The following STK32B variants were observed in gnomAD, a reference collection of about 807,000 sequenced individuals.
The protein encoded by STK32B is serine/threonine-protein kinase 32B.
A neutral mutation model predicts 52.6 loss-of-function variants in STK32B; 43 were observed. The ratio of observed to expected loss-of-function variants is 0.82; its 90% CI spans 0.64 to 1.05. The LOEUF (loss-of-function observed/expected upper bound fraction) is 1.05. STK32B is among the 50% of genes least tolerant of loss of function. The pLI is 0.00. For missense variants in STK32B, 621 were observed against 534.6 expected, an observed-to-expected ratio of 1.16 and a Z score of -1.59; for synonymous variants, 238 against 204.3, an observed-to-expected ratio of 1.17 and a Z score of -1.41.
chr4:5,484,810 C>T (rs976362316), intron 11 of STK32B, among the ~76,000 whole-genome samples: 3 of 152,130 alleles, frequency 2.0e-5, no homozygotes, highest in African/African-American at 4.8e-5. Context: ...TCAGCATTTG[C>T]TTGTCTGTAA....
At chr4:5,410,307 T>C (rs573054847) in intron 5 of STK32B, among the ~76,000 whole-genome samples, 1 of 151,908 alleles carries the variant, frequency 6.6e-6, no homozygotes, top group South Asian at 2.1e-4. Context: ...GGCTTAGGCA[T>C]AATTTGGGTC....
chr4:5,138,728 A>G (rs1338160032), intron 1 of STK32B, among the ~76,000 whole-genome samples: 1 of 152,244 alleles, frequency 6.6e-6, no homozygotes, highest in African/African-American at 2.4e-5. Flanking sequence ...AAAGTTCCAC[A>G]GTGCCATGAG....
rs192594659 is a variant in STK32B at position 5,076,585 on chromosome 4, C to T, written c.52+24670C>T. Among the ~76,000 whole-genome samples, 553 of 152,156 alleles carry T rather than the reference C, an allele frequency of 3.6e-3. 8 individuals carry two copies. The highest frequency in any genetic ancestry group is 0.013 in the African/African-American group (535 of 41,522). On this transcript the variant is annotated intron_variant, in intron 1 of 11. Transcript: ENST00000282908. ...CATTTTTTCTACATTGTTTTTTCAC[C>T]GACTAGTAAATACTGCATATTCACA...
At chr4:5,074,368 C>T (rs978179612) in intron 1 of STK32B, among the ~76,000 whole-genome samples, 2 of 151,924 alleles carry the variant, frequency 1.3e-5, no homozygotes, top group Admixed American at 1.3e-4. Flanking sequence ...CTAGGACTTT[C>T]ATTTTTTTCC....
Position 5,317,302 on chromosome 4 carries a change from A to ATTACATATATAATACAT in STK32B, c.261-13918_261-13917insTTACATATATAATACAT, listed in dbSNP as rs1472032011. ...AACATATAACATATATATAATATAT[A>ATTACATATATAATACAT]ATATATAACATATGTATAATATATA... On this transcript the variant is annotated intron_variant, in intron 3 of 11. Transcript: ENST00000282908. Among the ~76,000 whole-genome samples the ATTACATATATAATACAT allele has an allele frequency of 1.9e-3, 77 of 39,608 alleles. 2 individuals carry two copies. Among genetic ancestry groups the ATTACATATATAATACAT allele is most frequent in the African/African-American group, 8.7e-3 (36 of 4,130 alleles). 26.0% of individuals were successfully genotyped at this position (39,608 alleles called of 152,430 possible). A position where few individuals can be genotyped will look rare whatever the true frequency, so the allele number is the denominator to read the frequency against.
intron 1 of STK32B, among the ~76,000 whole-genome samples, chr4:5,097,744 T>C (rs1214724109): frequency 3.3e-5 from 5 of 152,246 alleles, no homozygotes; most frequent in African/African-American, 1.2e-4. Flanking sequence ...CATGTCGATA[T>C]GTGATTCAGA....
At chr4:5,201,015 A>T (rs1178970598) in intron 3 of STK32B, among the ~76,000 whole-genome samples, 2 of 152,212 alleles carry the variant, frequency 1.3e-5, no homozygotes, top group Non-Finnish European at 2.9e-5. Flanking sequence ...CTGTAAATGA[A>T]GAAATAGCTG....
At chr4:5,317,473 A>C (rs1310481931) in intron 3 of STK32B, among the ~76,000 whole-genome samples, 1 of 104,544 alleles carries the variant, frequency 9.6e-6, no homozygotes, top group South Asian at 2.5e-4. Flanking sequence ...TATGTATAAT[A>C]TATATATTAC....
chr4:5,480,762 G>A (rs2109196909), intron 11 of STK32B, among the ~76,000 whole-genome samples: 1 of 151,604 alleles, frequency 6.6e-6, no homozygotes, highest in South Asian at 2.1e-4. Flanking sequence ...GCCCCAGTGT[G>A]TAATGTTCCC....
intron 4 of STK32B, among the ~76,000 whole-genome samples, chr4:5,371,674 A>G (rs141922615): frequency 0.011 from 1,697 of 152,284 alleles, 28 homozygotes; most frequent in African/African-American, 0.038. Flanking sequence ...GATCATAAAT[A>G]TTTCAGGCTT....
At chr4:5,153,195 A>G (rs574351547) in intron 2 of STK32B, among the ~76,000 whole-genome samples, 14 of 152,286 alleles carry the variant, frequency 9.2e-5, no homozygotes, top group African/African-American at 1.7e-4. Context: ...TCAGTGTCCA[A>G]TGACAGACAT....
At position 5,118,929 on chromosome 4, in the gene STK32B, G is replaced by A. The variant is rs575821628; in HGVS notation, c.53-20976G>A. On this transcript the variant is annotated intron_variant, in intron 1 of 11. Transcript: ENST00000282908. ...ATGGCAGCCTCAGCACCATAGACGA[G>A]TGCTTCTCAGCCCTTCTTTCCTTAT... Among the ~76,000 whole-genome samples, 9 of 152,282 alleles carry A rather than the reference G, an allele frequency of 5.9e-5. No individual in the cohort carries two copies. In the South Asian group the frequency reaches 1.7e-3, roughly 28 times the overall value.
At chr4:5,455,991 A>G (rs1716478688) in intron 7 of STK32B, among the ~76,000 whole-genome samples, 1 of 152,142 alleles carries the variant, frequency 6.6e-6, no homozygotes, top group Non-Finnish European at 1.5e-5. Context: ...TACCAACCTG[A>G]AAACATCTTG....
intron 1 of STK32B, among the ~76,000 whole-genome samples, chr4:5,106,138 G>A (rs759433074): frequency 7.6e-4 from 116 of 151,742 alleles, no homozygotes; most frequent in Non-Finnish European, 1.3e-3. Context: ...CCCCACCTCT[G>A]CTAAAAAAGA....
chr4:5,439,709 T>A (rs1220304750), intron 6 of STK32B, among the ~76,000 whole-genome samples: 2 of 152,184 alleles, frequency 1.3e-5, no homozygotes, highest in Non-Finnish European at 2.9e-5. Flanking sequence ...AATTCCCAAG[T>A]TTTCTTCTAG....
At chr4:5,029,599 A>T in the STK32B span, among the ~76,000 whole-genome samples, 15 of 152,300 alleles carry the variant, frequency 9.8e-5, no homozygotes, top group South Asian at 2.7e-3. Flanking sequence ...GTCTGTTAAC[A>T]ACCCATACAG....
At position 5,386,097 on chromosome 4, in the gene STK32B, C is replaced by G. The variant is rs1321142210; in HGVS notation, c.435-12110C>G. Among the ~76,000 whole-genome samples the G allele has an allele frequency of 6.7e-6, 1 of 149,594 alleles. No homozygotes were observed. The highest frequency in any genetic ancestry group is 1.5e-5 in the Non-Finnish European group (1 of 67,292). On this transcript the variant is annotated intron_variant, in intron 4 of 11. Transcript: ENST00000282908. This position sits in a 1 kb window ranked among gnomAD's most constrained non-coding sequence, Gnocchi z 4.5. ...CTACCCAGATTTCCCATGCAGAGCT[C>G]CACCCACAGGCCCCACCCACAGCTC... is the stretch of plus-strand genomic sequence containing the variant.
chr4:5,410,095 T>C (rs1252703841), intron 5 of STK32B, among the ~76,000 whole-genome samples: 1 of 151,960 alleles, frequency 6.6e-6, no homozygotes, highest in African/African-American at 2.4e-5. Context: ...GTGCCCAGAG[T>C]GTTTGATCCT....
intron 1 of STK32B, among the ~76,000 whole-genome samples, chr4:5,104,977 A>G (rs945603227): frequency 6.6e-6 from 1 of 152,202 alleles, no homozygotes; most frequent in African/African-American, 2.4e-5. Context: ...TAAGAGTGAA[A>G]TTTCTAGGTC....
Sources: allele counts gnomAD v4.1 joint callset (sites outside exome capture counted in the v4.1 genomes callset), GRCh38; gene constraint gnomAD v4.1.1; non-coding constraint Gnocchi (gnomAD v3.1); transcripts MANE v1.5; gene names NCBI Gene and HGNC (gene_info 2026-07-23, HGNC 2026-07-21).